The following DOCK2 variants were observed in gnomAD, a reference collection of about 807,000 sequenced individuals.
DOCK2 encodes the protein dedicator of cytokinesis protein 2.
A neutral mutation model predicts 248.9 loss-of-function variants in DOCK2; 87 were observed. The ratio of observed to expected loss-of-function variants is 0.35; its 90% CI spans 0.29 to 0.42. The LOEUF is 0.42. Ranked by LOEUF, DOCK2 falls within the 10% of genes least tolerant of loss-of-function variation. The pLI is 1.00. For synonymous variants in DOCK2, 805 were observed against 821.6 expected, an observed-to-expected ratio of 0.98 and a Z score of 0.35; for missense variants, 1,747 against 2,300.2, an observed-to-expected ratio of 0.76 and a Z score of 4.92.
chr5:169,960,063 T>C (rs994137859), intron 27 of DOCK2, among the ~76,000 whole-genome samples: 2 of 152,190 alleles, frequency 1.3e-5, no homozygotes, highest in Non-Finnish European at 2.9e-5. Context: ...ACTGCCTTTA[T>C]TGAAGGTGGA....
chr5:169,677,178 G>A (rs541347453), intron 6 of DOCK2, among the ~76,000 whole-genome samples: 1 of 152,172 alleles, frequency 6.6e-6, no homozygotes, highest in Non-Finnish European at 1.5e-5. Context: ...CAGGGGAGCT[G>A]GCATGGCAAC....
At chr5:169,700,923 AAAGAC>A (rs144553416) in intron 13 of DOCK2, among the ~76,000 whole-genome samples, 13,996 of 144,070 alleles carry the variant, frequency 0.097, 767 homozygotes, top group African/African-American at 0.16. Context: ...GAACGAAAGA[AAAGAC>A]AAGAAAAAGA....
chr5:169,763,146 TA>T lies in DOCK2; in HGVS notation c.2554+1522del, dbSNP rs778777847. 1.3e-4 allele frequency among the ~76,000 whole-genome samples: 20 copies of T among 152,236 alleles called. No individual in the cohort carries two copies. Among genetic ancestry groups the T allele is most frequent in the Non-Finnish European group, 2.8e-4 (19 of 68,040 alleles). On this transcript the variant is annotated intron_variant, in intron 25 of 51. Transcript: ENST00000520908. This position sits in a 1 kb window ranked among gnomAD's most constrained non-coding sequence, Gnocchi z 4.1. ...TTGAGCCAGGTGGTTTTTGTGAGGTTATGGAGACTAATTCTGGTAAGTCTTG... is the reference window on the plus strand; with the variant it reads ...TTGAGCCAGGTGGTTTTTGTGAGGTTTGGAGACTAATTCTGGTAAGTCTTG...
rs201780874 is a variant in DOCK2, at chr5:169,656,323, A to AT, written c.127+1854dup. On this transcript the variant is annotated intron_variant, in intron 2 of 51. Coordinates refer to ENST00000520908, the MANE Select transcript of DOCK2 (RefSeq NM_004946.3). ...CTAAGGTTGCACAGTGAGCTAGTGG[A>AT]TTTTTTTTTTTTTTTTTAAGACGGA... Among the ~76,000 whole-genome samples the AT allele has an allele frequency of 5.3e-3, 741 of 139,926 alleles. 6 individuals carry two copies. The highest frequency in any genetic ancestry group is 0.014 in the African/African-American group (540 of 38,130). The allele number at this position is 139,926 out of a possible 152,430, so 91.8% of individuals were successfully genotyped here.
chr5:170,027,395 T>A (rs13152920), intron 33 of DOCK2, among the ~76,000 whole-genome samples: 1 of 151,886 alleles, frequency 6.6e-6, no homozygotes, highest in Admixed American at 6.6e-5. Context: ...GAATGCCAAG[T>A]GGGCAGAAAC....
At chr5:169,671,547 T>C (rs571813093) in intron 5 of DOCK2, among the ~76,000 whole-genome samples, 21 of 152,358 alleles carry the variant, frequency 1.4e-4, no homozygotes, top group Admixed American at 1.4e-3. Context: ...TGATAACACA[T>C]TGAGAAATAC....
chr5:169,858,663 A>G (rs1771018142), intron 27 of DOCK2, among the ~76,000 whole-genome samples: 1 of 152,210 alleles, frequency 6.6e-6, no homozygotes, highest in East Asian at 1.9e-4. Context: ...TCCCATCCAA[A>G]TTTTGCAATG....
chr5:169,852,990 A>G (rs1057470705), intron 27 of DOCK2, among the ~76,000 whole-genome samples: 15 of 152,252 alleles, frequency 9.9e-5, no homozygotes, highest in African/African-American at 3.6e-4. Context: ...CCCAAATCTC[A>G]TCTTGAATTC....
intron 10 of DOCK2, among the ~76,000 whole-genome samples, chr5:169,696,509 C>G (rs780267886): frequency 5.9e-5 from 9 of 152,208 alleles, no homozygotes; most frequent in African/African-American, 9.6e-5. Context: ...TTATGTTTGA[C>G]TACCACTTGT....
intron 6 of DOCK2, among the ~76,000 whole-genome samples, chr5:169,679,268 C>T (rs779586977): frequency 6.6e-6 from 1 of 152,220 alleles, no homozygotes; most frequent in Non-Finnish European, 1.5e-5. Flanking sequence ...TTTCCCTCTA[C>T]CCTCATCTTG....
At chr5:169,873,567 G>A (rs1363905555) in intron 27 of DOCK2, among the ~76,000 whole-genome samples, 1 of 152,218 alleles carries the variant, frequency 6.6e-6, no homozygotes, top group Non-Finnish European at 1.5e-5. Flanking sequence ...AGGGAGGACT[G>A]TGGCTGGAAG....
intron 6 of DOCK2, among the ~76,000 whole-genome samples, chr5:169,676,532 C>T (rs1358452111): frequency 2.6e-5 from 4 of 152,208 alleles, no homozygotes; most frequent in Non-Finnish European, 5.9e-5. Flanking sequence ...CCCCCTTATT[C>T]ACCTGACTGC....
At chr5:169,883,181 G>T (rs761122238) in intron 27 of DOCK2, 28 of 1,551,602 alleles carry the variant, frequency 1.8e-5, no homozygotes, top group Non-Finnish European at 2.4e-5. Flanking sequence ...TCACCTGGAC[G>T]TGTGTCATCC....
At chr5:169,646,773 T>G (rs1757495798) in intron 1 of DOCK2, among the ~76,000 whole-genome samples, 2 of 152,240 alleles carry the variant, frequency 1.3e-5, no homozygotes, top group Admixed American at 1.3e-4. Context: ...CCTGGCAAAA[T>G]GTGCTTATTT....
chr5:170,058,254 A>G (rs1369347432), intron 44 of DOCK2, among the ~76,000 whole-genome samples: 1 of 152,206 alleles, frequency 6.6e-6, no homozygotes, highest in Non-Finnish European at 1.5e-5. Context: ...AACCTTGTAA[A>G]TGGACATATT....
intron 27 of DOCK2, among the ~76,000 whole-genome samples, chr5:169,950,715 C>A (rs1056047877): frequency 3.3e-5 from 5 of 152,208 alleles, no homozygotes; most frequent in Non-Finnish European, 5.9e-5. Context: ...CTGGTAACAG[C>A]CACATTCTTT....
chr5:169,803,447 G>T (rs1462438086), intron 26 of DOCK2, among the ~76,000 whole-genome samples: 3 of 152,224 alleles, frequency 2.0e-5, no homozygotes, highest in Non-Finnish European at 4.4e-5. Context: ...TTCTCAGAAT[G>T]TGGGTATAGA....
intron 1 of DOCK2, among the ~76,000 whole-genome samples, chr5:169,639,913 T>C (rs1315017687): frequency 6.6e-6 from 1 of 152,334 alleles, no homozygotes; most frequent in East Asian, 1.9e-4. Context: ...AACAGAAATG[T>C]ATTTTCTCAC....
chr5:170,003,579 A>T (rs1188987193), intron 30 of DOCK2, among the ~76,000 whole-genome samples: 1 of 152,222 alleles, frequency 6.6e-6, no homozygotes, highest in East Asian at 1.9e-4. Context: ...AGAATAGGAC[A>T]CAATCCCTGC....
Sources: gnomAD v4.1 joint callset for allele counts (sites outside exome capture counted in the v4.1 genomes callset) on GRCh38, gnomAD v4.1.1 for gene constraint, Gnocchi (gnomAD v3.1) non-coding constraint, MANE v1.5 for transcripts, NCBI Gene and HGNC (gene_info 2026-07-23, HGNC 2026-07-21) for gene names.